The following PHF19 variants were observed in gnomAD, a reference collection of about 807,000 sequenced individuals.
The protein encoded by PHF19 is PHD finger protein 19.
A neutral mutation model predicts 79.8 loss-of-function variants in PHF19; 21 were observed. That is an observed-to-expected ratio of 0.26 (90% confidence interval 0.19 to 0.38). The LOEUF (loss-of-function observed/expected upper bound fraction) is 0.38, where lower values mean the gene tolerates loss of function less well. Among genes scored for constraint, PHF19 ranks in the 10% least tolerant of loss-of-function variants. The pLI, the probability that PHF19 is intolerant of heterozygous loss-of-function variation, is 1.00. For missense variants in PHF19, 445 were observed against 744.2 expected (o/e 0.60, Z 4.68); for synonymous variants, 273 against 296.3 (o/e 0.92, Z 0.81).
the PHF19 span, chr9:120,903,178 C>T: frequency 6.6e-6 from 1 of 152,326 alleles, no homozygotes; most frequent in Non-Finnish European, 1.5e-5. Context: ...CCTCCACAGT[C>T]TCCGCTGCCA....
chr9:120,883,681 G>T (rs1174178361), intron 1 of PHF19, among the ~76,000 whole-genome samples: 1 of 150,806 alleles, frequency 6.6e-6, no homozygotes, highest in Non-Finnish European at 1.5e-5. Context: ...GATCACTTGA[G>T]CCTGGAGGCA....
chr9:120,889,849 CAAGAA>C (rs1479227852), intron 1 of PHF19, among the ~76,000 whole-genome samples: 4 of 151,886 alleles, frequency 2.6e-5, no homozygotes, highest in Admixed American at 6.6e-5. Flanking sequence ...AAAGAACTAA[CAAGAA>C]AGAAAGAGAG....
chr9:120,879,951 A>G (rs371619694), upstream of PHF19, among the ~76,000 whole-genome samples: 15 of 151,970 alleles, frequency 9.9e-5, no homozygotes, highest in Middle Eastern at 6.8e-3. Flanking sequence ...GAGAACTGTG[A>G]TACACCATTA....
At position 120,869,368 on chromosome 9, in the gene PHF19, C is replaced by T. The variant is rs781607586; in HGVS notation, c.466-38G>A. 1.0e-5 allele frequency: 16 copies of T among 1,597,534 alleles called. No individual in the cohort carries two copies. The East Asian group carries it at 1.1e-4, about 11-fold the overall frequency. ...GAGGGCCCCAGTCAACCACCAGGTCCGGGTGGACCACGCGAGTCAGCACGC... is the reference window on the plus strand; with the variant it reads ...GAGGGCCCCAGTCAACCACCAGGTCTGGGTGGACCACGCGAGTCAGCACGC... On this transcript the variant is annotated intron_variant, in intron 5 of 14. Transcript: ENST00000373896. This position sits in a 1 kb window ranked among gnomAD's most constrained non-coding sequence, Gnocchi z 5.8.
At position 120,870,408 on chromosome 9, in the gene PHF19, C is replaced by G. The variant is rs371377316; in HGVS notation, c.364+35G>C. 2 of 1,344,392 alleles carry G rather than the reference C, an allele frequency of 1.5e-6. No individual in the cohort carries two copies. Among genetic ancestry groups the G allele is most frequent in the African/African-American group, 2.9e-5 (2 of 69,940 alleles). The allele number at this position is 1,344,392 out of a possible 1,614,324, so 83.3% of individuals were successfully genotyped here. A position where few individuals can be genotyped will look rare whatever the true frequency, so the allele number is the denominator to read the frequency against. On this transcript the variant is annotated intron_variant, in intron 4 of 14. Coordinates refer to ENST00000373896, the MANE Select transcript of PHF19 (RefSeq NM_015651.3). This position sits in a 1 kb window ranked among gnomAD's most constrained non-coding sequence, Gnocchi z 4.4. ...GGCCAGTGCGTGGGGACCTATAGGT[C>G]GGGGCCTTCTCAGGGCCCTGCTCGC...
At chr9:120,873,235 T>C (rs1026258948) in intron 3 of PHF19, among the ~76,000 whole-genome samples, 1 of 152,234 alleles carries the variant, frequency 6.6e-6, no homozygotes, top group Non-Finnish European at 1.5e-5. Context: ...CCAACTCTGA[T>C]TGACAGGCAG....
At position 120,857,820 on chromosome 9, in the gene PHF19, T is replaced by C; in HGVS notation, c.*124A>G. ...TGGCAGGCAGGCAGGCAGGGCATTC[T>C]GCCAGGCACTTGCAGCTCTGTCCTG... On this transcript the variant is annotated 3_prime_UTR_variant, in exon 15 of 15. Coordinates refer to ENST00000373896, the MANE Select transcript of PHF19 (RefSeq NM_015651.3). The C allele has an allele frequency of 1.6e-6, 1 of 611,612 alleles. No homozygotes were observed. The highest frequency in any genetic ancestry group is 1.9e-5 in the African/African-American group (1 of 53,850). The allele number at this position is 611,612 out of a possible 1,614,324, so 37.9% of individuals were successfully genotyped here. A position where few individuals can be genotyped will look rare whatever the true frequency, so the allele number is the denominator to read the frequency against.
intron 3 of PHF19, among the ~76,000 whole-genome samples, chr9:120,871,794 C>T (rs948831029): frequency 2.0e-5 from 3 of 152,096 alleles, no homozygotes; most frequent in African/African-American, 7.2e-5. Flanking sequence ...AATCCCAGCA[C>T]TTTGGGAGGC....
the PHF19 span, among the ~76,000 whole-genome samples, chr9:120,900,026 A>T: frequency 6.6e-6 from 1 of 151,968 alleles, no homozygotes; most frequent in African/African-American, 2.4e-5. Context: ...TTGCTCTGTC[A>T]CCCAGGCTGA....
rs2045489591 is a variant in PHF19, at chr9:120,860,475, C to G, written c.1305-290G>C. On this transcript the variant is annotated intron_variant, in intron 13 of 14. Coordinates refer to ENST00000373896, the MANE Select transcript of PHF19 (RefSeq NM_015651.3). The surrounding 1 kb of genome is among the most constrained non-coding windows in gnomAD (Gnocchi z 4.1). Reference sequence around the variant, plus strand: ...TGCAACACTTCACAGGTCAAAAGTGCTTTCATTTGCATTATCTTGTTTGAG... The same window carrying G: ...TGCAACACTTCACAGGTCAAAAGTGGTTTCATTTGCATTATCTTGTTTGAG... The G allele has an allele frequency of 2.5e-6, 1 of 402,810 alleles. No homozygotes were observed. The highest frequency in any genetic ancestry group is 4.7e-6 in the Non-Finnish European group (1 of 213,572). 25.0% of individuals were successfully genotyped at this position (402,810 alleles called of 1,614,324 possible).
chr9:120,889,029 TG>T (rs1455197781), intron 1 of PHF19, among the ~76,000 whole-genome samples: 1 of 152,030 alleles, frequency 6.6e-6, no homozygotes, highest in Non-Finnish European at 1.5e-5. Flanking sequence ...TTCCTCAAAA[TG>T]GGGAGCTCCT....
At position 120,870,019 on chromosome 9, in the gene PHF19, G is replaced by T; in HGVS notation, c.365-74C>A. On this transcript the variant is annotated intron_variant, in intron 4 of 14. Coordinates refer to ENST00000373896, the MANE Select transcript of PHF19 (RefSeq NM_015651.3). This position sits in a 1 kb window ranked among gnomAD's most constrained non-coding sequence, Gnocchi z 4.4. The stretch of plus-strand genomic sequence containing the variant: ...AAGGCCAGTTGGCCCAAAGGAGGCA[G>T]GGCTGGGAGGGCTGAGGGAAGTCCT... The T allele has an allele frequency of 6.6e-7, 1 of 1,520,724 alleles. No individual in the cohort carries two copies. 94.2% of individuals were successfully genotyped at this position (1,520,724 alleles called of 1,614,324 possible). A position where few individuals can be genotyped will look rare whatever the true frequency, so the allele number is the denominator to read the frequency against.
upstream of PHF19, among the ~76,000 whole-genome samples, chr9:120,899,305 T>C (rs886753304): frequency 6.6e-6 from 1 of 151,784 alleles, no homozygotes; most frequent in African/African-American, 2.4e-5. Context: ...CAGACCATCC[T>C]GGCTAACATG....
chr9:120,855,702 CTT>C lies in PHF19; in HGVS notation c.*2240_*2241del, dbSNP rs2045349370. ...CATAAATCAGACACATTAATTATAA[CTT>C]TAACAAATGTTATTAAAAGCAGCAA... On this transcript the variant is annotated 3_prime_UTR_variant, in exon 15 of 15. Transcript: ENST00000373896. The C allele has an allele frequency of 6.5e-6, 1 of 152,686 alleles. No homozygotes were observed. The highest frequency in any genetic ancestry group is 2.4e-5 in the African/African-American group (1 of 41,474). The allele number at this position is 152,686 out of a possible 1,614,324, so 9.5% of individuals were successfully genotyped here.
intron 1 of PHF19, among the ~76,000 whole-genome samples, chr9:120,892,817 A>G (rs1463672580): frequency 9.9e-5 from 15 of 152,228 alleles, no homozygotes; most frequent in Non-Finnish European, 1.8e-4. Flanking sequence ...GTAAGTGCTG[A>G]AAAAAAGGGT....
intron 3 of PHF19, among the ~76,000 whole-genome samples, chr9:120,872,995 A>T (rs1007103672): frequency 2.6e-5 from 4 of 152,198 alleles, no homozygotes; most frequent in African/African-American, 9.6e-5. Flanking sequence ...GGATTAGCTT[A>T]CCTAAGCCTC....
intron 1 of PHF19, chr9:120,894,720 ACC>A: frequency 5.0e-6 from 4 of 794,092 alleles, no homozygotes; most frequent in Non-Finnish European, 5.0e-6. Flanking sequence ...GCGCGGGCCC[ACC>A]CGGCCGCCCG....
In PHF19 at chr9:120,862,512, G is replaced by A. The variant is rs1198783880; in HGVS notation, c.1130+76C>T. 1.5e-6 allele frequency: 2 copies of A among 1,341,956 alleles called. No homozygotes were observed. The highest frequency in any genetic ancestry group is 2.1e-6 in the Non-Finnish European group (2 of 942,332). 83.1% of individuals were successfully genotyped at this position (1,341,956 alleles called of 1,614,324 possible). On this transcript the variant is annotated intron_variant, in intron 11 of 14. Coordinates refer to ENST00000373896, the MANE Select transcript of PHF19 (RefSeq NM_015651.3). This position sits in a 1 kb window ranked among gnomAD's most constrained non-coding sequence, Gnocchi z 4.6. ...CTACAGCTGGGACTGGCTGGGTGCAGGTCCTCCTTGCTTGCTTGGAAGCAG... is the reference window on the plus strand; with the variant it reads ...CTACAGCTGGGACTGGCTGGGTGCAAGTCCTCCTTGCTTGCTTGGAAGCAG...
At chr9:120,896,708 C>T (rs1295769910), upstream of PHF19, among the ~76,000 whole-genome samples, 2 of 152,132 alleles carry the variant, frequency 1.3e-5, no homozygotes, top group Non-Finnish European at 2.9e-5. Flanking sequence ...CCGTCTCGGC[C>T]TCCCAAAGTG....
Sources: gnomAD v4.1 joint callset for allele counts (sites outside exome capture counted in the v4.1 genomes callset) on GRCh38, gnomAD v4.1.1 for gene constraint, Gnocchi (gnomAD v3.1) non-coding constraint, MANE v1.5 for transcripts, NCBI Gene and HGNC (gene_info 2026-07-23, HGNC 2026-07-21) for gene names.